COL6A6: variants seen among roughly 807,000 people sequenced by gnomAD.
COL6A6 encodes collagen alpha-6(VI) chain.
In COL6A6, 183 loss-of-function variants were observed where a neutral mutation model predicts 208.6. The ratio of observed to expected loss-of-function variants is 0.88; its 90% CI spans 0.78 to 0.99. The LOEUF (loss-of-function observed/expected upper bound fraction) is 0.99, where lower values mean the gene tolerates loss of function less well. Ranked by LOEUF, COL6A6 falls within the 50% of genes least tolerant of loss-of-function variation. The pLI is 0.00. For missense variants in COL6A6, 2,816 were observed against 2,815.2 expected, an observed-to-expected ratio of 1.00 and a Z score of -0.01; for synonymous variants, 973 against 1,011.8, an observed-to-expected ratio of 0.96 and a Z score of 0.73.
rs2063438381 is a variant in COL6A6 at position 130,582,086 on chromosome 3, G to T, written c.3970+18G>T. On this transcript the variant is annotated intron_variant, in intron 10 of 36. Transcript: ENST00000358511. ...AAAAGAAGGTACTGAGTATGGAGAA[G>T]TGGGAAGGGAGTGCTTATTAACTTT... 1.4e-6 allele frequency: 2 copies of T among 1,466,536 alleles called. No homozygotes were observed. Among genetic ancestry groups the T allele is most frequent in the Non-Finnish European group, 1.9e-6 (2 of 1,064,944 alleles). The allele number at this position is 1,466,536 out of a possible 1,614,324, so 90.8% of individuals were successfully genotyped here. A position where few individuals can be genotyped will look rare whatever the true frequency, so the allele number is the denominator to read the frequency against.
At position 130,566,688 on chromosome 3, in the gene COL6A6, T is replaced by A; in HGVS notation, c.1283-14T>A. On this transcript the variant is annotated splice_polypyrimidine_tract_variant and intron_variant, in intron 4 of 36. Transcript: ENST00000358511. ...TGCTCAAATGCCACATGCAACTTAT[T>A]GATTCCTTTTTAGGTTGTGTGGACA... The A allele has an allele frequency of 6.4e-7, 1 of 1,570,348 alleles. No homozygotes were observed. The highest frequency in any genetic ancestry group is 8.6e-7 in the Non-Finnish European group (1 of 1,157,480).
intron 15 of COL6A6, 100 bp downstream of exon 15, chr3:130,592,822 A>G: frequency 8.4e-7 from 1 of 1,194,068 alleles, no homozygotes; most frequent in Non-Finnish European, 1.2e-6. Flanking sequence ...TAAAGTTGTC[A>G]TTGACTTTCC....
chr3:130,560,018 G>A (rs2062846494), intron 1 of COL6A6, among the ~76,000 whole-genome samples: 1 of 152,148 alleles, frequency 6.6e-6, no homozygotes, highest in African/African-American at 2.4e-5. Flanking sequence ...GATAGAGGAT[G>A]GCGCTAGGGT....
At chr3:130,661,119 C>A (rs2108455006) in intron 34 of COL6A6, among the ~76,000 whole-genome samples, 1 of 152,288 alleles carries the variant, frequency 6.6e-6, no homozygotes, top group African/African-American at 2.4e-5. Flanking sequence ...TATGGAAATG[C>A]AAAGATGAGC....
At chr3:130,544,146 A>G (rs1036393014) in intron 1 of COL6A6, among the ~76,000 whole-genome samples, 5 of 152,156 alleles carry the variant, frequency 3.3e-5, no homozygotes, top group Admixed American at 2.0e-4. Context: ...TTTGACCTAT[A>G]TCTCCTTATA....
At chr3:130,641,746 C>A (rs1447526343) in intron 29 of COL6A6, 32 bp downstream of exon 29, 2 of 1,333,068 alleles carry the variant, frequency 1.5e-6, no homozygotes, top group Non-Finnish European at 2.1e-6. Context: ...CACAGCAGGT[C>A]CTTTTCCATT....
intron 23 of COL6A6, among the ~76,000 whole-genome samples, chr3:130,619,087 A>T (rs546139256): frequency 6.6e-6 from 1 of 152,288 alleles, no homozygotes; most frequent in East Asian, 1.9e-4. Flanking sequence ...AGATAAATGG[A>T]TGGGTTGATG....
At chr3:130,623,079 G>A (rs547692104) in intron 24 of COL6A6, among the ~76,000 whole-genome samples, 6 of 152,204 alleles carry the variant, frequency 3.9e-5, no homozygotes, top group African/African-American at 1.4e-4. Context: ...TGGCCAGCAC[G>A]GTGTTATCTA....
rs1474740033 is a variant in COL6A6 at position 130,574,463 on chromosome 3, A to G, written c.3485A>G (p.Asp1162Gly). ...AAAAAACTGACAGTGCACAACTTCG[A>G]TGAACTGAAGAAGGTCAATAAAAGG... is the stretch of plus-strand genomic sequence containing the variant. Reference protein sequence around the residue: ...AEKKLTVHNFDELKKVNKRIV... With the variant: ...AEKKLTVHNFGELKKVNKRIV... The change falls in exon 8 of 37, where the codon GAT (aspartate) becomes GGT (glycine). Residue 1162 changes from aspartate to glycine, a missense_variant. By Grantham distance (94) the Asp-to-Gly change is moderately conservative (BLOSUM62 -1). Coordinates refer to ENST00000358511, the MANE Select transcript of COL6A6 (RefSeq NM_001102608.3). 1 of 1,614,056 alleles carries G rather than the reference A, an allele frequency of 6.2e-7. No individual in the cohort carries two copies. The highest frequency in any genetic ancestry group is 1.1e-5 in the South Asian group (1 of 91,088).
At chr3:130,625,207 C>T (rs1303541743) in intron 24 of COL6A6, among the ~76,000 whole-genome samples, 1 of 152,168 alleles carries the variant, frequency 6.6e-6, no homozygotes, top group Non-Finnish European at 1.5e-5. Flanking sequence ...CAGATGATCT[C>T]CTGCTTCCCT....
At chr3:130,579,159 A>G (rs1577768963) in intron 8 of COL6A6, among the ~76,000 whole-genome samples, 1 of 152,162 alleles carries the variant, frequency 6.6e-6, no homozygotes, top group South Asian at 2.1e-4. Flanking sequence ...TTACAAATGT[A>G]CCCTAGCCTC....
intron 1 of COL6A6, among the ~76,000 whole-genome samples, chr3:130,524,117 T>C (rs1424255592): frequency 2.0e-5 from 3 of 152,194 alleles, no homozygotes; most frequent in Non-Finnish European, 4.4e-5. Flanking sequence ...GATGTACATT[T>C]ACAGGCAATG....
intron 1 of COL6A6, among the ~76,000 whole-genome samples, chr3:130,527,755 T>C (rs1174874710): frequency 6.6e-6 from 1 of 152,212 alleles, no homozygotes; most frequent in East Asian, 1.9e-4. Flanking sequence ...AATCATTTAC[T>C]CCAGAATACA....
intron 23 of COL6A6, among the ~76,000 whole-genome samples, chr3:130,616,865 GT>G (rs748707733): frequency 1.3e-5 from 2 of 152,222 alleles, no homozygotes; most frequent in South Asian, 4.1e-4. Context: ...TTGTGCTTCA[GT>G]TTTTTACTGT....
Position 130,594,277 on chromosome 3 carries a change from T to C in COL6A6, c.4471-4T>C. On this transcript the variant is annotated splice_polypyrimidine_tract_variant and splice_region_variant and intron_variant, in intron 17 of 36. Transcript: ENST00000358511. ...GTTTTTCTTCTGATTTGTATTAACT[T>C]TAGGGAAGCCCAGGGAAGAGAGGGA... 1 of 1,609,862 alleles carries C rather than the reference T, an allele frequency of 6.2e-7. No individual in the cohort carries two copies. The highest frequency in any genetic ancestry group is 8.5e-7 in the Non-Finnish European group (1 of 1,176,552).
At position 130,608,990 on chromosome 3, in the gene COL6A6, T is replaced by G. The variant is rs769976385; in HGVS notation, c.4752+26T>G. The G allele has an allele frequency of 3.8e-6, 6 of 1,569,916 alleles. No homozygotes were observed. The Admixed American group carries it at 1.0e-4, about 27-fold the overall frequency. On this transcript the variant is annotated intron_variant, in intron 22 of 36. Coordinates refer to ENST00000358511, the MANE Select transcript of COL6A6 (RefSeq NM_001102608.3). ...GTACATATCAAGACCAATCAGGGTG[T>G]GAGAACATAAAGAAGAATCTGGGAA...
rs200513386 is a variant in COL6A6 at position 130,565,011 on chromosome 3, A to G, written c.679A>G (p.Met227Val). The part of the protein sequence containing the change: ...IFVEACQGPS[M>V]ADVVFLLDMS... Reference sequence around the variant, plus strand: ...CCACACAGCTTGCCAAGGCCCTTCTATGGCCGATGTTGTGTTCCTATTGGA... The same window carrying G: ...CCACACAGCTTGCCAAGGCCCTTCTGTGGCCGATGTTGTGTTCCTATTGGA... The change falls in exon 4 of 37, where the codon ATG becomes GTG. Residue 227 changes from methionine (M) to valine (V), a missense_variant. Coordinates refer to ENST00000358511, the MANE Select transcript of COL6A6 (RefSeq NM_001102608.3). 76 of 1,613,180 alleles carry G rather than the reference A, an allele frequency of 4.7e-5. No individual in the cohort carries two copies. Among genetic ancestry groups the G allele is most frequent in the Non-Finnish European group, 6.2e-5 (73 of 1,179,326 alleles).
In COL6A6 at chr3:130,608,981, A is replaced by G; in HGVS notation, c.4752+17A>G. 5 of 1,595,824 alleles carry G rather than the reference A, an allele frequency of 3.1e-6. No homozygotes were observed. Among genetic ancestry groups the G allele is most frequent in the Non-Finnish European group, 4.3e-6 (5 of 1,165,014 alleles). ...GGCCCTCAGGTACATATCAAGACCA[A>G]TCAGGGTGTGAGAACATAAAGAAGA... is the stretch of plus-strand genomic sequence containing the variant. On this transcript the variant is annotated intron_variant, in intron 22 of 36. Coordinates refer to ENST00000358511, the MANE Select transcript of COL6A6 (RefSeq NM_001102608.3).
intron 1 of COL6A6, among the ~76,000 whole-genome samples, chr3:130,543,944 A>G (rs2107764333): frequency 6.6e-6 from 1 of 152,338 alleles, no homozygotes; most frequent in Non-Finnish European, 1.5e-5. Context: ...AAGATATGCA[A>G]CATGATATTT....
Sources: allele counts gnomAD v4.1 joint callset (sites outside exome capture counted in the v4.1 genomes callset), GRCh38; gene constraint gnomAD v4.1.1; transcripts MANE v1.5; gene names NCBI Gene and HGNC (gene_info 2026-07-23, HGNC 2026-07-21).